ANO1: variants seen among roughly 807,000 people sequenced by gnomAD.
The protein encoded by ANO1 is anoctamin 1.
Under a neutral mutation model 124.0 loss-of-function variants are expected in ANO1, and 59 were observed. That is an observed-to-expected ratio of 0.48 (90% CI 0.39 to 0.59). The LOEUF (loss-of-function observed/expected upper bound fraction) is 0.59, where lower values mean the gene tolerates loss of function less well. Ranked by LOEUF, ANO1 falls within the 20% of genes least tolerant of loss-of-function variation. ANO1 has a pLI of 0.00. For missense variants in ANO1, 1,059 were observed against 1,328.0 expected, an observed-to-expected ratio of 0.80 and a Z score of 3.15; for synonymous variants, 529 against 532.0, an observed-to-expected ratio of 0.99 and a Z score of 0.08.
At chr11:70,166,725 C>T (rs1232345741) in intron 20 of ANO1, among the ~76,000 whole-genome samples, 1 of 152,212 alleles carries the variant, frequency 6.6e-6, no homozygotes, top group Admixed American at 6.5e-5. Context: ...CCTGCACCTC[C>T]GTTTCCTTCT....
At position 70,031,151 on chromosome 11, in the gene ANO1, C is replaced by T. The variant is rs147538190; in HGVS notation, c.58+44985C>T. Among the ~76,000 whole-genome samples the T allele has an allele frequency of 4.0e-3, 615 of 152,288 alleles. 5 individuals are homozygous for T. The highest frequency in any genetic ancestry group is 0.014 in the African/African-American group (595 of 41,578). On this transcript the variant is annotated intron_variant, in intron 1 of 27. Transcript: ENST00000531349. ...GTAGAGATGGAGTTTCACCATGTTG[C>T]CCAGGCTGGTGTCGAATTCATGGTC...
chr11:70,040,935 G>C (rs1857173298), intron 1 of ANO1, among the ~76,000 whole-genome samples: 2 of 152,186 alleles, frequency 1.3e-5, no homozygotes. Flanking sequence ...GTTGAACAAA[G>C]AACTTTCTAA....
Position 70,104,161 on chromosome 11 carries a change from A to AC in ANO1, c.692+16dup. Reference sequence around the variant, plus strand: ...GGAGAAGCAGCATCTGTAAGTGGGGACCCCCAGCCTGCTCCCCAAAGGGTC... The same window carrying AC: ...GGAGAAGCAGCATCTGTAAGTGGGGACCCCCCAGCCTGCTCCCCAAAGGGTC... On this transcript the variant is annotated intron_variant, in intron 4 of 25. Transcript: ENST00000355303. The AC allele has an allele frequency of 6.2e-7, 1 of 1,607,154 alleles. No individual in the cohort carries two copies. The highest frequency in any genetic ancestry group is 8.5e-7 in the Non-Finnish European group (1 of 1,176,246).
rs192146238 is a variant in ANO1, at chr11:70,032,564, G to T, written c.59-45978G>T. 2.0e-5 allele frequency among the ~76,000 whole-genome samples: 3 copies of T among 151,736 alleles called. No individual in the cohort carries two copies. The South Asian group carries it at 6.3e-4, about 32-fold the overall frequency. The stretch of plus-strand genomic sequence containing the variant: ...GGGGGGTCTCTGAAGGGTAGAATCC[G>T]CAGAACCCACTGTGAAGGGGTGGGC... On this transcript the variant is annotated intron_variant, in intron 1 of 27. Coordinates refer to the ANO1 transcript ENST00000531349.
At chr11:70,013,717 G>C (rs189406837) in intron 1 of ANO1, among the ~76,000 whole-genome samples, 1 of 151,158 alleles carries the variant, frequency 6.6e-6, no homozygotes, top group Non-Finnish European at 1.5e-5. Context: ...CAGGAGAATC[G>C]TCCAAACTCG....
At chr11:70,149,279 C>T (rs1183876042) in intron 11 of ANO1, among the ~76,000 whole-genome samples, 2 of 152,196 alleles carry the variant, frequency 1.3e-5, no homozygotes, top group African/African-American at 4.8e-5. Context: ...ACAGGATTGG[C>T]GGGAGGGCTG....
intron 6 of ANO1, chr11:70,111,185 A>G (rs1163264188): frequency 4.4e-6 from 2 of 457,616 alleles, no homozygotes. Flanking sequence ...GAAATGTGGG[A>G]AGTATGGTAA....
intron 1 of ANO1, among the ~76,000 whole-genome samples, chr11:70,010,168 C>T (rs79342153): frequency 0.36 from 24,951 of 69,136 alleles, 4,532 homozygotes; most frequent in African/African-American, 0.46. Context: ...TGTGTGTGCG[C>T]GTGTGTGTGT....
chr11:69,975,553 C>T, the ANO1 span, among the ~76,000 whole-genome samples: 1 of 152,226 alleles, frequency 6.6e-6, no homozygotes, highest in Non-Finnish European at 1.5e-5. Context: ...GTGATTTGGG[C>T]TCCTTCTAGC....
chr11:70,032,858 AGGGTGGAT>A (rs1829667290), intron 1 of ANO1, among the ~76,000 whole-genome samples: 1 of 149,912 alleles, frequency 6.7e-6, no homozygotes, highest in South Asian at 2.1e-4. Flanking sequence ...GGAAAGTAGA[AGGGTGGAT>A]GGAGGGAGAA....
At chr11:70,028,845 G>C (rs1446842971) in intron 1 of ANO1, among the ~76,000 whole-genome samples, 1 of 152,082 alleles carries the variant, frequency 6.6e-6, no homozygotes, top group Non-Finnish European at 1.5e-5. Context: ...GCAATGGTAC[G>C]ACCTCAACTC....
At chr11:69,982,090 T>G (rs1407593688), upstream of ANO1, among the ~76,000 whole-genome samples, 1 of 152,140 alleles carries the variant, frequency 6.6e-6, no homozygotes, top group Non-Finnish European at 1.5e-5. Context: ...AATGGGAATA[T>G]TCTGGATAGA....
chr11:70,152,952 G>A (rs1251258781), intron 13 of ANO1, 105 bp from the exon 14 acceptor site: 2 of 943,600 alleles, frequency 2.1e-6, no homozygotes, highest in Non-Finnish European at 3.3e-6. Context: ...GGACCCAAAG[G>A]GTGCCCGAGG....
At chr11:69,982,669 C>T (rs150991896), upstream of ANO1, among the ~76,000 whole-genome samples, 345 of 152,304 alleles carry the variant, frequency 2.3e-3, 1 homozygote, top group African/African-American at 7.4e-3. Context: ...TTGTTCCAGA[C>T]GGGACTGACT....
chr11:70,155,892 T>G lies in ANO1; in HGVS notation c.1426-19T>G. The G allele has an allele frequency of 6.5e-7, 1 of 1,539,124 alleles. No homozygotes were observed. The highest frequency in any genetic ancestry group is 8.8e-7 in the Non-Finnish European group (1 of 1,141,612). On this transcript the variant is annotated intron_variant, in intron 14 of 25. Coordinates refer to ENST00000355303, the MANE Select transcript of ANO1 (RefSeq NM_018043.7). ...CCCACTTCACCGCACGGTGCTCTCTTTCCCCCACCCCCCCTCAGAAGCGCC... is the reference window on the plus strand; with the variant it reads ...CCCACTTCACCGCACGGTGCTCTCTGTCCCCCACCCCCCCTCAGAAGCGCC...
intron 7 of ANO1, among the ~76,000 whole-genome samples, chr11:70,112,090 G>A (rs966907301): frequency 2.0e-5 from 3 of 152,182 alleles, no homozygotes; most frequent in African/African-American, 7.2e-5. Flanking sequence ...CAGCTGGCCC[G>A]GGGCTCTGGC....
At chr11:70,164,481 C>T (rs2048177794) in intron 19 of ANO1, among the ~76,000 whole-genome samples, 1 of 152,202 alleles carries the variant, frequency 6.6e-6, no homozygotes, top group Non-Finnish European at 1.5e-5. Context: ...CTGTCACACT[C>T]GTCCCGGGTC....
chr11:70,182,329 G>A (rs1368712199), intron 23 of ANO1, among the ~76,000 whole-genome samples, 173 bp from the exon 24 acceptor site: 3 of 152,214 alleles, frequency 2.0e-5, no homozygotes, highest in Non-Finnish European at 4.4e-5. Context: ...AGGAACACCC[G>A]CGACCCTGCA....
chr11:69,980,976 C>T (rs557502588), upstream of ANO1, among the ~76,000 whole-genome samples: 707 of 152,226 alleles, frequency 4.6e-3, 6 homozygotes, highest in Middle Eastern at 0.027. Flanking sequence ...CGCTTGAACC[C>T]GGGAGGTGGA....
Sources: allele counts gnomAD v4.1 joint callset (sites outside exome capture counted in the v4.1 genomes callset), GRCh38; gene constraint gnomAD v4.1.1; transcripts MANE v1.5; gene names NCBI Gene and HGNC (gene_info 2026-07-23, HGNC 2026-07-21).